PEX11B: variants seen among roughly 807,000 people sequenced by gnomAD.
The protein encoded by PEX11B is peroxisomal biogenesis factor 11 beta.
In PEX11B, 18 loss-of-function variants were observed where a neutral mutation model predicts 28.2. The observed-to-expected ratio is 0.64, with a 90% CI of 0.44 to 0.95. The LOEUF (loss-of-function observed/expected upper bound fraction) is 0.95, where lower values mean the gene tolerates loss of function less well. PEX11B is among the 40% of genes least tolerant of loss of function. The pLI is 0.00. For missense variants in PEX11B, 305 were observed against 319.8 expected (o/e 0.95, Z 0.35); for synonymous variants, 128 against 128.7 (o/e 0.99, Z 0.04).
chr1:145,917,846 G>A lies in PEX11B; in HGVS notation c.57-30C>T, dbSNP rs782318400. Reference sequence around the variant, plus strand: ...AGGAGAGGGCAGGCAAGGTAAGGTGGAGACCTCCCTAACCTTCCGCTCAAA... The same window carrying A: ...AGGAGAGGGCAGGCAAGGTAAGGTGAAGACCTCCCTAACCTTCCGCTCAAA... On this transcript the variant is annotated intron_variant, in intron 1 of 3. Coordinates refer to ENST00000369306, the MANE Select transcript of PEX11B (RefSeq NM_003846.3). The A allele has an allele frequency of 1.0e-5, 16 of 1,531,080 alleles. 1 individual carries two copies. The Middle Eastern group carries it at 5.2e-4, about 50-fold the overall frequency. 94.8% of individuals were successfully genotyped at this position (1,531,080 alleles called of 1,614,324 possible).
intron 3 of PEX11B, among the ~76,000 whole-genome samples, chr1:145,916,273 C>T (rs1647371939): frequency 1.3e-5 from 2 of 152,236 alleles, no homozygotes; most frequent in African/African-American, 4.8e-5. Context: ...CCTACTCAGA[C>T]ATCAGGTCTG....
intron 3 of PEX11B, among the ~76,000 whole-genome samples, chr1:145,912,855 AG>A (rs1657869998): frequency 6.6e-6 from 1 of 152,200 alleles, no homozygotes. Flanking sequence ...TGGGAGGCCA[AG>A]GCAGGTGGAT....
intron 1 of PEX11B, chr1:145,918,321 C>G: frequency 6.7e-7 from 1 of 1,500,770 alleles, no homozygotes. Flanking sequence ...GAGTCTGGGG[C>G]TATCCACCGT....
chr1:145,916,741 C>T (rs1003877923), intron 3 of PEX11B, 76 bp downstream of exon 3: 1 of 1,020,494 alleles, frequency 9.8e-7, no homozygotes, highest in Non-Finnish European at 1.5e-6. Flanking sequence ...CCTAAGATAT[C>T]TTTCCCTCAT....
intron 1 of PEX11B, 90 bp downstream of exon 1, chr1:145,918,543 C>A: frequency 7.8e-6 from 12 of 1,546,274 alleles, no homozygotes. Context: ...CCTTCTTGAC[C>A]CCCCTGTAGC....
At chr1:145,917,846 G>C (rs782318400) in intron 1 of PEX11B, 30 bp from the exon 2 acceptor site, 1 of 1,531,080 alleles carries the variant, frequency 6.5e-7, no homozygotes, top group African/African-American at 1.4e-5. Flanking sequence ...AGGTAAGGTG[G>C]AGACCTCCCT....
chr1:145,917,823 G>C lies in PEX11B; in HGVS notation c.57-7C>G. 6.3e-7 allele frequency: 1 copy of C among 1,593,982 alleles called. No individual in the cohort carries two copies. Among genetic ancestry groups the C allele is most frequent in the Admixed American group, 1.7e-5 (1 of 59,930 alleles). On this transcript the variant is annotated splice_polypyrimidine_tract_variant and splice_region_variant and intron_variant, in intron 1 of 3. Coordinates refer to ENST00000369306, the MANE Select transcript of PEX11B (RefSeq NM_003846.3). ...GCAAGCATACTGGGCGGCCCTAGAGGAGAGGGCAGGCAAGGTAAGGTGGAG... is the reference window on the plus strand; with the variant it reads ...GCAAGCATACTGGGCGGCCCTAGAGCAGAGGGCAGGCAAGGTAAGGTGGAG...
chr1:145,917,688 CAG>C lies in PEX11B; in HGVS notation c.172+11_172+12del, dbSNP rs1491005719. On this transcript the variant is annotated intron_variant, in intron 2 of 3. Coordinates refer to ENST00000369306, the MANE Select transcript of PEX11B (RefSeq NM_003846.3). The stretch of plus-strand genomic sequence containing the variant: ...AAAGGTTGGGGGATAAAAGGAAAGA[CAG>C]AGTTACTTACGCTTTCTTCCAAGGC... 5.6e-6 allele frequency: 8 copies of C among 1,434,542 alleles called. No homozygotes were observed. Among genetic ancestry groups the C allele is most frequent in the African/African-American group, 1.4e-5 (1 of 71,504 alleles). 88.9% of individuals were successfully genotyped at this position (1,434,542 alleles called of 1,614,324 possible). A position where few individuals can be genotyped will look rare whatever the true frequency, so the allele number is the denominator to read the frequency against.
At chr1:145,914,415 C>T (rs1394691462) in intron 3 of PEX11B, among the ~76,000 whole-genome samples, 2 of 151,988 alleles carry the variant, frequency 1.3e-5, no homozygotes, top group Admixed American at 6.6e-5. Context: ...AACCACAGCT[C>T]TCCATGGTTT....
At chr1:145,913,691 A>G (rs1657908524) in intron 3 of PEX11B, among the ~76,000 whole-genome samples, 1 of 152,118 alleles carries the variant, frequency 6.6e-6, no homozygotes. Context: ...AACAAATTTC[A>G]GATGTCTCAG....
chr1:145,916,168 CT>C (rs765844134), intron 3 of PEX11B, among the ~76,000 whole-genome samples: 22 of 152,174 alleles, frequency 1.4e-4, no homozygotes, highest in Non-Finnish European at 2.8e-4. Flanking sequence ...CTCTAATTCC[CT>C]TAAGTCTTTC....
intron 3 of PEX11B, among the ~76,000 whole-genome samples, chr1:145,916,022 T>C (rs1273441289): frequency 1.3e-5 from 2 of 152,194 alleles, no homozygotes; most frequent in African/African-American, 4.8e-5. Context: ...TTCAATAATG[T>C]CCCATTGTAG....
chr1:145,916,391 T>C (rs1015827657), intron 3 of PEX11B, among the ~76,000 whole-genome samples: 3 of 152,188 alleles, frequency 2.0e-5, no homozygotes, highest in Non-Finnish European at 4.4e-5. Flanking sequence ...CAAATATATA[T>C]GAGAAGTTAT....
At position 145,912,103 on chromosome 1, in the gene PEX11B, G is replaced by T. The variant is rs1553753149; in HGVS notation, c.*58C>A. On this transcript the variant is annotated 3_prime_UTR_variant, in exon 4 of 4. Coordinates refer to ENST00000369306, the MANE Select transcript of PEX11B (RefSeq NM_003846.3). ...ATTCGAATGAGGCTGGCACATGGGG[G>T]ACGATCTAAGATTCCATCTCACCAA... 7.5e-7 allele frequency: 1 copy of T among 1,333,164 alleles called. No homozygotes were observed. The highest frequency in any genetic ancestry group is 1.0e-6 in the Non-Finnish European group (1 of 990,878). 82.6% of individuals were successfully genotyped at this position (1,333,164 alleles called of 1,614,324 possible). A position where few individuals can be genotyped will look rare whatever the true frequency, so the allele number is the denominator to read the frequency against.
chr1:145,918,397 A>C (rs1223402565), intron 1 of PEX11B: 3 of 1,535,728 alleles, frequency 2.0e-6, no homozygotes, highest in Non-Finnish European at 1.7e-6. Flanking sequence ...TGGACACAGC[A>C]ACCCTGAGCG....
intron 3 of PEX11B, among the ~76,000 whole-genome samples, chr1:145,915,333 T>C (rs1553753761): frequency 1.3e-5 from 2 of 152,196 alleles, no homozygotes; most frequent in East Asian, 3.8e-4. Flanking sequence ...GGAGTTGCTT[T>C]TCCATACTGC....
Position 145,916,939 on chromosome 1 carries a change from G to C in PEX11B, c.252C>G (p.Phe84Leu), listed in dbSNP as rs782293463. Residue 84 changes from phenylalanine to leucine, a missense_variant, in exon 3 of 4, where the codon TTC (phenylalanine) becomes TTG (leucine). Phe to Leu is a conservative substitution (Grantham distance 22). Coordinates refer to ENST00000369306, the MANE Select transcript of PEX11B (RefSeq NM_003846.3). ...AVHLSDVVLRFCITVSHLNRA... is the reference protein window; with the variant it reads ...AVHLSDVVLRLCITVSHLNRA... ...GATTGAGGTGACTAACAGTGATGCA[G>C]AATCTCAGGACAACATCTGATAGGT... 5 of 1,613,468 alleles carry C rather than the reference G, an allele frequency of 3.1e-6. No individual in the cohort carries two copies. The highest frequency in any genetic ancestry group is 4.2e-6 in the Non-Finnish European group (5 of 1,179,490).
At chr1:145,912,909 G>A (rs1053099510) in intron 3 of PEX11B, among the ~76,000 whole-genome samples, 2 of 152,108 alleles carry the variant, frequency 1.3e-5, no homozygotes, top group Admixed American at 6.6e-5. Context: ...CCAACATGGT[G>A]AAACCCCGTC....
At chr1:145,915,737 G>A (rs908670410) in intron 3 of PEX11B, among the ~76,000 whole-genome samples, 4 of 150,814 alleles carry the variant, frequency 2.7e-5, no homozygotes, top group Admixed American at 6.6e-5. Flanking sequence ...GGGTTCAAGC[G>A]AGTCTCCTGC....
Sources: gnomAD v4.1 joint callset for allele counts (sites outside exome capture counted in the v4.1 genomes callset) on GRCh38, gnomAD v4.1.1 for gene constraint, MANE v1.5 for transcripts, NCBI Gene and HGNC (gene_info 2026-07-23, HGNC 2026-07-21) for gene names.